ACER3: variants seen among roughly 807,000 people sequenced by gnomAD.
ACER3 encodes the protein alkCDase 3.
A neutral mutation model predicts 48.9 loss-of-function variants in ACER3; 16 were observed. The observed-to-expected ratio is 0.33, with a 90% CI of 0.22 to 0.50. ACER3 has a LOEUF of 0.50. Among genes scored for constraint, ACER3 ranks in the 20% least tolerant of loss-of-function variants. The pLI is 0.98. For synonymous variants in ACER3, 109 were observed against 107.8 expected (o/e 1.01, Z -0.07); for missense variants, 227 against 326.0 (o/e 0.70, Z 2.34).
intron 4 of ACER3, among the ~76,000 whole-genome samples, chr11:76,977,894 C>T (rs910578883): frequency 2.6e-5 from 4 of 152,234 alleles, no homozygotes; most frequent in Non-Finnish European, 5.9e-5. Context: ...CTTCTCTCCG[C>T]TCCCAGCTCC....
chr11:76,870,534 C>A (rs1945217448), intron 1 of ACER3, among the ~76,000 whole-genome samples: 1 of 152,140 alleles, frequency 6.6e-6, no homozygotes, highest in Non-Finnish European at 1.5e-5. Context: ...AATATCTCTT[C>A]AAGACCCTAA....
At chr11:76,947,592 G>A (rs1459518398) in intron 2 of ACER3, among the ~76,000 whole-genome samples, 1 of 152,148 alleles carries the variant, frequency 6.6e-6, no homozygotes, top group Non-Finnish European at 1.5e-5. Flanking sequence ...ATGTGCCATG[G>A]AAAGGATTTT....
intron 2 of ACER3, among the ~76,000 whole-genome samples, chr11:76,954,451 TC>T (rs1268043419): frequency 6.6e-6 from 1 of 152,194 alleles, no homozygotes; most frequent in Non-Finnish European, 1.5e-5. Context: ...AATTTATTCT[TC>T]AAATTCTAGC....
At chr11:76,974,963 TCAAA>T (rs546797914) in intron 3 of ACER3, among the ~76,000 whole-genome samples, 252 of 152,286 alleles carry the variant, frequency 1.7e-3, no homozygotes, top group African/African-American at 5.2e-3. Context: ...AGACTCCGTC[TCAAA>T]CAAACAAACA....
chr11:76,885,114 TTG>T (rs1382321474), intron 1 of ACER3, among the ~76,000 whole-genome samples: 1 of 151,718 alleles, frequency 6.6e-6, no homozygotes, highest in African/African-American at 2.4e-5. Context: ...TTCTTTTGGT[TTG>T]AAGTATTTAT....
chr11:76,951,210 G>A (rs1361918402), intron 2 of ACER3, among the ~76,000 whole-genome samples: 1 of 152,164 alleles, frequency 6.6e-6, no homozygotes, highest in Non-Finnish European at 1.5e-5. Flanking sequence ...ATAAATAAAA[G>A]TCTTAACGGG....
In ACER3 at chr11:77,014,925, T is replaced by C. The variant is rs1949339127; in HGVS notation, c.498-91T>C. 5.2e-6 allele frequency: 4 copies of C among 776,004 alleles called. No homozygotes were observed. The South Asian group carries it at 6.0e-5, about 12-fold the overall frequency. 48.1% of individuals were successfully genotyped at this position (776,004 alleles called of 1,614,324 possible). On this transcript the variant is annotated intron_variant, in intron 7 of 10. Coordinates refer to ENST00000532485, the MANE Select transcript of ACER3 (RefSeq NM_018367.7). ...GGCAACATAGTGAGATCCCAGCCCT[T>C]ATAAAAAAGGAAGAAAGTGATGGCT...
intron 9 of ACER3, chr11:77,019,519 C>T: frequency 3.5e-6 from 2 of 570,212 alleles, no homozygotes; most frequent in South Asian, 2.3e-5. Flanking sequence ...AACAACAAAG[C>T]CTAGATTACA....
intron 1 of ACER3, among the ~76,000 whole-genome samples, chr11:76,870,657 A>C (rs955094640): frequency 4.6e-5 from 7 of 152,320 alleles, no homozygotes; most frequent in African/African-American, 1.7e-4. Context: ...TGTCACTCTT[A>C]CATAAATTTT....
chr11:76,957,868 C>G (rs868108533), intron 2 of ACER3, among the ~76,000 whole-genome samples: 1 of 151,948 alleles, frequency 6.6e-6, no homozygotes, highest in Non-Finnish European at 1.5e-5. Context: ...TTTTATAAAA[C>G]GCTAAAATGA....
rs1213045942 is a variant in ACER3 at position 76,963,447 on chromosome 11, C to G, written c.267+4416C>G. 3.4e-5 allele frequency among the ~76,000 whole-genome samples: 5 copies of G among 145,806 alleles called. 1 individual carries two copies. The highest frequency in any genetic ancestry group is 1.3e-4 in the African/African-American group (5 of 39,290). ...CTTTGGGTCCACACTCCTTAATTTTCTTGAGACCACAAGCTCGGATAACAC... is the reference window on the plus strand; with the variant it reads ...CTTTGGGTCCACACTCCTTAATTTTGTTGAGACCACAAGCTCGGATAACAC... On this transcript the variant is annotated intron_variant, in intron 3 of 10. Transcript: ENST00000532485.
In ACER3 at chr11:76,861,005, A is replaced by G. The variant is rs993168958; in HGVS notation, c.29A>G (p.Tyr10Cys). 7.8e-6 allele frequency: 12 copies of G among 1,545,352 alleles called. No homozygotes were observed. The African/African-American group carries it at 1.1e-4, about 14-fold the overall frequency. Residue 10 changes from tyrosine (Y) to cysteine (C), a missense_variant, in exon 1 of 11, where the codon TAC becomes TGC. Tyr to Cys is a radical substitution (Grantham distance 194, BLOSUM62 -2). Around this residue, in one of 3 missense-constraint regions of ACER3, gnomAD observed 27 missense variants for 18.1 expected, o/e 1.49. Transcript: ENST00000532485. ...GCTCCGGCCGCGGACCGAGAGGGCT[A>G]CTGGGGCCCCACGACCTCCACGCTG... is the stretch of plus-strand genomic sequence containing the variant. MAPAADREG[Y>C]WGPTTSTLDW...
At chr11:76,899,910 C>G (rs996342327) in intron 1 of ACER3, among the ~76,000 whole-genome samples, 2 of 152,138 alleles carry the variant, frequency 1.3e-5, no homozygotes, top group Non-Finnish European at 2.9e-5. Flanking sequence ...AGCCTAATTA[C>G]TAATAGCTTA....
chr11:77,011,352 CCT>C, intron 7 of ACER3: 5 of 985,440 alleles, frequency 5.1e-6, no homozygotes, highest in Non-Finnish European at 6.0e-6. Flanking sequence ...TTGAACTGCC[CCT>C]GAGAGCTGAA....
rs181204176 is a variant in ACER3, at chr11:76,964,018, C to T, written c.267+4987C>T. On this transcript the variant is annotated intron_variant, in intron 3 of 10. Transcript: ENST00000532485. ...CGTGAGCCAAAGCAGGGCGAGGCAT[C>T]GCCTCACCCAGGAAGTGCAAGGGGT... Among the ~76,000 whole-genome samples, 26 of 151,512 alleles carry T rather than the reference C, an allele frequency of 1.7e-4. 1 individual carries two copies. The highest frequency in any genetic ancestry group is 1.6e-3 in the Admixed American group (24 of 15,288).
chr11:76,998,517 A>C (rs1347302406), intron 6 of ACER3: 2 of 400,834 alleles, frequency 5.0e-6, no homozygotes, highest in Non-Finnish European at 8.8e-6. Context: ...GGATCCATTC[A>C]GAATTAAAAT....
chr11:77,003,294 G>C (rs1949070864), intron 7 of ACER3, among the ~76,000 whole-genome samples: 1 of 152,074 alleles, frequency 6.6e-6, no homozygotes. Context: ...GTGGTAGTTT[G>C]TGTTTCTTGA....
At chr11:76,999,802 C>T (rs1332964441) in intron 7 of ACER3, among the ~76,000 whole-genome samples, 2 of 152,130 alleles carry the variant, frequency 1.3e-5, no homozygotes, top group Non-Finnish European at 2.9e-5. Flanking sequence ...TCATTCCTTT[C>T]TATTGCTGAG....
Position 77,026,109 on chromosome 11 carries a change from T to C in ACER3, c.*5782T>C, listed in dbSNP as rs1949546598. The C allele has an allele frequency of 6.6e-6, 1 of 152,218 alleles. No homozygotes were observed. The highest frequency in any genetic ancestry group is 2.4e-5 in the African/African-American group (1 of 41,450). The allele number at this position is 152,218 out of a possible 1,614,324, so 9.4% of individuals were successfully genotyped here. On this transcript the variant is annotated 3_prime_UTR_variant, in exon 11 of 11. Coordinates refer to ENST00000532485, the MANE Select transcript of ACER3 (RefSeq NM_018367.7). ...ATTTAGTTTTCAATATAAAGGGAATTCCATTCTATACTGTAAAATCCAAAA... is the reference window on the plus strand; with the variant it reads ...ATTTAGTTTTCAATATAAAGGGAATCCCATTCTATACTGTAAAATCCAAAA...
Sources: allele counts gnomAD v4.1 joint callset (sites outside exome capture counted in the v4.1 genomes callset), GRCh38; gene constraint gnomAD v4.1.1; regional missense constraint gnomAD v4.1.1; transcripts MANE v1.5; gene names NCBI Gene and HGNC (gene_info 2026-07-23, HGNC 2026-07-21).